Variants in RNF214 observed in about 807,000 individuals in gnomAD.
The protein encoded by RNF214 is ring finger protein 214.
RNF214 carries 25 observed loss-of-function variants against 75.9 expected under a neutral mutation model. The ratio of observed to expected loss-of-function variants is 0.33; its 90% CI spans 0.24 to 0.46. The LOEUF (loss-of-function observed/expected upper bound fraction) is 0.46. Ranked by LOEUF, RNF214 falls within the 20% of genes least tolerant of loss-of-function variation. The pLI is 1.00. For synonymous variants in RNF214, 314 were observed against 308.8 expected (o/e 1.02, Z -0.18); for missense variants, 725 against 857.5 (o/e 0.85, Z 1.93).
chr11:117,254,173 C>T (rs749749482), intron 6 of RNF214, among the ~76,000 whole-genome samples: 7 of 151,998 alleles, frequency 4.6e-5, no homozygotes, highest in Middle Eastern at 6.8e-3. Flanking sequence ...TGCTTAAACC[C>T]GGGAGGTGGA....
intron 6 of RNF214, among the ~76,000 whole-genome samples, chr11:117,262,309 A>G (rs637065): frequency 0.72 from 108,767 of 151,916 alleles, 40,425 homozygotes; most frequent in East Asian, 0.95. Context: ...GGATGGTCTC[A>G]AACTCCTGAC....
intron 2 of RNF214, among the ~76,000 whole-genome samples, chr11:117,235,219 G>A (rs1255456065): frequency 6.6e-6 from 1 of 151,922 alleles, no homozygotes; most frequent in Non-Finnish European, 1.5e-5. Context: ...TTTTTGAGAT[G>A]GAGTCTCACT....
rs1257250805 is a variant in RNF214 at position 117,244,503 on chromosome 11, A to G, written c.737A>G (p.Lys246Arg). Residue 246 changes from lysine (K) to arginine (R), a missense_variant, in exon 5 of 15, where the codon AAA becomes AGA. By Grantham distance (26) the Lys-to-Arg change is conservative (BLOSUM62 2). This residue lies in a region of RNF214 where 362 missense variants were observed against 344.5 expected (regional missense o/e 1.05). Coordinates refer to ENST00000300650, the MANE Select transcript of RNF214 (RefSeq NM_207343.4). Reference sequence around the variant, plus strand: ...GAGCGTTACCAGGAGGTCCTGGACAAACAGAGGCAAGTGGAGAATCAGCTC... The same window carrying G: ...GAGCGTTACCAGGAGGTCCTGGACAGACAGAGGCAAGTGGAGAATCAGCTC... ...LKERYQEVLDKQRQVENQLQV... is the reference protein window; with the variant it reads ...LKERYQEVLDRQRQVENQLQV... 6.2e-7 allele frequency: 1 copy of G among 1,613,228 alleles called. No homozygotes were observed. Among genetic ancestry groups the G allele is most frequent in the African/African-American group, 1.3e-5 (1 of 74,918 alleles).
chr11:117,277,960 A>G (rs1221109964), intron 6 of RNF214, among the ~76,000 whole-genome samples: 2 of 150,764 alleles, frequency 1.3e-5, no homozygotes, highest in South Asian at 2.1e-4. Flanking sequence ...GGCAACAGAT[A>G]GAGACTCCCT....
At chr11:117,284,634 ATAGCC>A (rs2034206942) in intron 14 of RNF214, among the ~76,000 whole-genome samples, 1 of 152,146 alleles carries the variant, frequency 6.6e-6, no homozygotes, top group Non-Finnish European at 1.5e-5. Flanking sequence ...GAGCCATTGA[ATAGCC>A]CTTCTTGGGG....
intron 8 of RNF214, 24 bp from the exon 9 acceptor site, chr11:117,281,290 A>C: frequency 6.4e-7 from 1 of 1,567,886 alleles, no homozygotes; most frequent in Non-Finnish European, 8.8e-7. Flanking sequence ...TTAAATCTGT[A>C]AATTCCTGTT....
intron 6 of RNF214, among the ~76,000 whole-genome samples, chr11:117,264,574 C>A (rs190807623): frequency 2.6e-5 from 4 of 152,146 alleles, no homozygotes; most frequent in Admixed American, 2.6e-4. Context: ...GTGCCCTGAG[C>A]CCCAACATTG....
At chr11:117,283,003 G>T in intron 13 of RNF214, 112 bp from the exon 14 acceptor site, 1 of 1,004,452 alleles carries the variant, frequency 1.0e-6, no homozygotes, top group South Asian at 1.5e-5. Flanking sequence ...ATCTATATTT[G>T]GATTTTTGTT....
intron 6 of RNF214, 63 bp from the exon 7 acceptor site, chr11:117,279,845 C>G: frequency 7.7e-7 from 1 of 1,305,212 alleles, no homozygotes; most frequent in African/African-American, 1.5e-5. Flanking sequence ...TACTTTTGCC[C>G]TGGTATCTCT....
intron 6 of RNF214, among the ~76,000 whole-genome samples, chr11:117,259,825 C>T (rs2033614520): frequency 6.6e-6 from 1 of 151,724 alleles, no homozygotes; most frequent in Admixed American, 6.6e-5. Flanking sequence ...GAATATAAGT[C>T]CTTTGTCAGA....
At chr11:117,270,026 T>C (rs1019752140) in intron 6 of RNF214, among the ~76,000 whole-genome samples, 1 of 151,992 alleles carries the variant, frequency 6.6e-6, no homozygotes, top group Admixed American at 6.5e-5. Flanking sequence ...GAATCTTTCA[T>C]TGTTGTTTGG....
intron 5 of RNF214, 38 bp downstream of exon 5, chr11:117,244,623 AAC>A: frequency 1.3e-6 from 2 of 1,514,840 alleles, no homozygotes; most frequent in Non-Finnish European, 1.8e-6. Context: ...TGAGTTAAGC[AAC>A]AGTCTCTGAT....
At chr11:117,277,436 G>C (rs952738131) in intron 6 of RNF214, among the ~76,000 whole-genome samples, 1 of 152,188 alleles carries the variant, frequency 6.6e-6, no homozygotes, top group East Asian at 1.9e-4. Context: ...ATTTCTAATA[G>C]ATGAATATAC....
In RNF214 at chr11:117,246,885, A is replaced by G; in HGVS notation, c.896A>G (p.Glu299Gly). The G allele has an allele frequency of 6.2e-7, 1 of 1,613,422 alleles. No homozygotes were observed. The highest frequency in any genetic ancestry group is 8.5e-7 in the Non-Finnish European group (1 of 1,179,710). Residue 299 changes from glutamate to glycine, a missense_variant, in exon 6 of 15, where the codon GAG becomes GGG. This residue lies in a region of RNF214 where 363 missense variants were observed against 513.0 expected (regional missense o/e 0.71). Transcript: ENST00000300650. ...TKKKIEKEKK[E>G]FLQKEQDLKA... ...AAGAAGATAGAGAAAGAGAAGAAGG[A>G]GTTTTTGCAGAAGGAGCAGGATCTG...
At chr11:117,278,197 G>A (rs1193712282) in intron 6 of RNF214, among the ~76,000 whole-genome samples, 4 of 151,976 alleles carry the variant, frequency 2.6e-5, no homozygotes, top group Non-Finnish European at 4.4e-5. Flanking sequence ...CCACCTACTC[G>A]GGAGGCTGAG....
intron 6 of RNF214, among the ~76,000 whole-genome samples, chr11:117,253,041 C>T (rs1419011173): frequency 6.6e-6 from 1 of 152,138 alleles, no homozygotes; most frequent in African/African-American, 2.4e-5. Flanking sequence ...GAAACAGGAT[C>T]TCACTCTGTT....
intron 3 of RNF214, chr11:117,239,490 G>A (rs2033010391): frequency 4.3e-6 from 2 of 460,056 alleles, no homozygotes; most frequent in Admixed American, 3.9e-5. Flanking sequence ...GCCTTCTAGT[G>A]ACGGGTGTGC....
At position 117,285,298 on chromosome 11, in the gene RNF214, T is replaced by G. The variant is rs1168833399; in HGVS notation, c.*147T>G. 23 of 568,694 alleles carry G rather than the reference T, an allele frequency of 4.0e-5. No homozygotes were observed. Among genetic ancestry groups the G allele is most frequent in the Non-Finnish European group, 7.2e-5 (23 of 319,164 alleles). 35.2% of individuals were successfully genotyped at this position (568,694 alleles called of 1,614,324 possible). On this transcript the variant is annotated 3_prime_UTR_variant, in exon 15 of 15. Transcript: ENST00000300650. ...ATAGGTAATGTGTGTATAGAAAGTC[T>G]GTATTCCAATGTTCGTAAATGAAAC...
At chr11:117,245,344 T>A (rs1453345396) in intron 5 of RNF214, among the ~76,000 whole-genome samples, 5 of 130,280 alleles carry the variant, frequency 3.8e-5, no homozygotes, top group Admixed American at 1.6e-4. Flanking sequence ...ACTCATAGAC[T>A]TTTTTTTTTT....
Sources: allele counts gnomAD v4.1 joint callset (sites outside exome capture counted in the v4.1 genomes callset), GRCh38; gene constraint gnomAD v4.1.1; regional missense constraint gnomAD v4.1.1; transcripts MANE v1.5; gene names NCBI Gene and HGNC (gene_info 2026-07-23, HGNC 2026-07-21).